The following PCDHGA4 variants were observed in gnomAD, a reference collection of about 807,000 sequenced individuals.
The protein encoded by PCDHGA4 is protocadherin gamma subfamily A, 4.
In PCDHGA4, 38 loss-of-function variants were observed where a neutral mutation model predicts 54.6. The ratio of observed to expected loss-of-function variants is 0.70; its 90% CI spans 0.54 to 0.91. PCDHGA4 has a LOEUF of 0.91. PCDHGA4 is among the 40% of genes least tolerant of loss of function. PCDHGA4 has a pLI of 0.00. For synonymous variants in PCDHGA4, 511 were observed against 512.9 expected, an observed-to-expected ratio of 1.00 and a Z score of 0.05; for missense variants, 1,298 against 1,220.9, an observed-to-expected ratio of 1.06 and a Z score of -0.94.
intron 1 of PCDHGA4, among the ~76,000 whole-genome samples, chr5:141,457,215 T>C (rs1356941645): frequency 1.3e-5 from 2 of 152,186 alleles, no homozygotes; most frequent in South Asian, 2.1e-4. Flanking sequence ...AAATGTGGTG[T>C]GGTAGGTAAT....
intron 1 of PCDHGA4, chr5:141,423,466 G>C (rs770939556): frequency 1.2e-6 from 2 of 1,613,904 alleles, no homozygotes; most frequent in Admixed American, 3.3e-5. Context: ...CGTGGACGGG[G>C]TACAGGCTTT....
At position 141,432,225 on chromosome 5, in the gene PCDHGA4, A is replaced by T; in HGVS notation, c.2515-62582A>T. On this transcript the variant is annotated intron_variant, in intron 1 of 3. Transcript: ENST00000571252. This position sits in a 1 kb window ranked among gnomAD's most constrained non-coding sequence, Gnocchi z 6.0. ...TGTGAAGAGAACGCCCAGATCACTT[A>T]TTCCCTGGCTGAGAACACCATCCAA... The T allele has an allele frequency of 1.2e-6, 2 of 1,614,206 alleles. No individual in the cohort carries two copies. Among genetic ancestry groups the T allele is most frequent in the South Asian group, 2.2e-5 (2 of 91,080 alleles).
chr5:141,421,195 G>C (rs1305388921), intron 1 of PCDHGA4: 2 of 1,504,878 alleles, frequency 1.3e-6, no homozygotes, highest in Non-Finnish European at 1.8e-6. Context: ...CAACCAGCTC[G>C]AGAAACCGCG....
chr5:141,385,045 C>A, intron 1 of PCDHGA4: 1 of 1,614,178 alleles, frequency 6.2e-7, no homozygotes, highest in Non-Finnish European at 8.5e-7. Context: ...GGCGCTCAGG[C>A]TGCGGCGCTG....
chr5:141,413,387 T>G (rs902208287), intron 1 of PCDHGA4: 1 of 1,613,908 alleles, frequency 6.2e-7, no homozygotes, highest in Non-Finnish European at 8.5e-7. Context: ...GTCCGCATAG[T>G]CTCCAGAGGT....
chr5:141,458,408 C>T (rs895785923), intron 1 of PCDHGA4, among the ~76,000 whole-genome samples: 3 of 151,932 alleles, frequency 2.0e-5, no homozygotes, highest in Non-Finnish European at 2.9e-5. Context: ...AGAGACGGAG[C>T]GGGGGTTCCA....
chr5:141,429,697 C>T (rs2097236349), intron 1 of PCDHGA4, among the ~76,000 whole-genome samples: 1 of 152,134 alleles, frequency 6.6e-6, no homozygotes, highest in African/African-American at 2.4e-5. Context: ...AATATCTTTA[C>T]AGTATAAATA....
intron 1 of PCDHGA4, among the ~76,000 whole-genome samples, chr5:141,455,172 G>GT (rs1344126228): frequency 3.3e-5 from 5 of 150,340 alleles, no homozygotes; most frequent in South Asian, 4.2e-4. Context: ...TTTTTTTTTA[G>GT]TTTTTTTATT....
chr5:141,384,708 G>A (rs1222018997), intron 1 of PCDHGA4: 3 of 1,613,998 alleles, frequency 1.9e-6, no homozygotes, highest in Non-Finnish European at 2.5e-6. Flanking sequence ...AGAACGCCTG[G>A]CTGTCATACC....
At chr5:141,362,380 C>A in intron 1 of PCDHGA4, 4 of 1,614,026 alleles carry the variant, frequency 2.5e-6, no homozygotes, top group Non-Finnish European at 3.4e-6. Context: ...GGGTACATTG[C>A]CCTATTCCTA....
At chr5:141,383,101 T>C (rs1561594429) in intron 1 of PCDHGA4, 2 of 1,613,954 alleles carry the variant, frequency 1.2e-6, no homozygotes, top group Non-Finnish European at 8.5e-7. Flanking sequence ...CCGCATCATC[T>C]CCAGAGGTAG....
At chr5:141,478,840 A>G (rs2099480064) in intron 1 of PCDHGA4, 1 of 1,410,466 alleles carries the variant, frequency 7.1e-7, no homozygotes, top group Non-Finnish European at 9.3e-7. Context: ...AGGGATGGTT[A>G]AGCTAAAACA....
intron 1 of PCDHGA4, chr5:141,392,978 C>T: frequency 1.9e-6 from 3 of 1,613,808 alleles, no homozygotes; most frequent in South Asian, 1.1e-5. Context: ...TGGGGCTGGA[C>T]CCCCGGAAGC....
rs369875631 is a variant in PCDHGA4, at chr5:141,355,175, A to G, written c.68A>G (p.His23Arg). 1 of 1,579,066 alleles carries G rather than the reference A, an allele frequency of 6.3e-7. No homozygotes were observed. Among genetic ancestry groups the G allele is most frequent in the African/African-American group, 1.4e-5 (1 of 73,890 alleles). ...PQASTEGKPK[H>R]RRLRGGVVMA... ...GCCTCGACAGAGGGAAAACCGAAGC[A>G]CAGGCGACTCCGCGGCGGGGTTGTA... Residue 23 changes from histidine (H) to arginine (R), a missense_variant, in exon 1 of 4, where the codon CAC becomes CGC. Coordinates refer to ENST00000571252, the MANE Select transcript of PCDHGA4 (RefSeq NM_018917.4).
At chr5:141,366,632 C>G (rs1232919866) in intron 1 of PCDHGA4, 1 of 1,614,252 alleles carries the variant, frequency 6.2e-7, no homozygotes. Context: ...GAAGAGTCAC[C>G]TGATCTTTCC....
chr5:141,508,183 A>G (rs1596134418), intron 3 of PCDHGA4: 1 of 152,336 alleles, frequency 6.6e-6, no homozygotes, highest in African/African-American at 2.4e-5. Context: ...GAGAGAAGGC[A>G]TCACCCCCAC....
intron 1 of PCDHGA4, chr5:141,389,849 T>C (rs773205213): frequency 6.2e-7 from 1 of 1,614,066 alleles, no homozygotes; most frequent in South Asian, 1.1e-5. Context: ...TCTCGGCCAC[T>C]GCCACGTTGC....
At chr5:141,409,185 C>A in intron 1 of PCDHGA4, 1 of 1,614,024 alleles carries the variant, frequency 6.2e-7, no homozygotes, top group Non-Finnish European at 8.5e-7. Flanking sequence ...GGTGGTCTCT[C>A]TACCCAGTGT....
chr5:141,374,825 C>G (rs11575953), intron 1 of PCDHGA4: 15 of 1,613,780 alleles, frequency 9.3e-6, no homozygotes, highest in Middle Eastern at 1.6e-4. Context: ...GCCTGTCTAC[C>G]GTGTAAGTGT....
Sources: gnomAD v4.1 joint callset for allele counts (sites outside exome capture counted in the v4.1 genomes callset) on GRCh38, gnomAD v4.1.1 for gene constraint, Gnocchi (gnomAD v3.1) non-coding constraint, MANE v1.5 for transcripts, NCBI Gene and HGNC (gene_info 2026-07-23, HGNC 2026-07-21) for gene names.